Variants in BICRAL observed in about 807,000 individuals in gnomAD.
BICRAL encodes the protein BRD4-interacting chromatin-remodeling complex-associated protein-like.
A neutral mutation model predicts 91.8 loss-of-function variants in BICRAL; 8 were observed. The observed-to-expected ratio is 0.09, with a 90% CI of 0.05 to 0.16. The LOEUF is 0.16. BICRAL is among the 10% of genes least tolerant of loss of function. The pLI is 1.00. For missense variants in BICRAL, 1,038 were observed against 1,310.9 expected (o/e 0.79, Z 3.21); for synonymous variants, 445 against 491.1 (o/e 0.91, Z 1.24).
At chr6:42,776,666 A>G (rs955349243) in intron 1 of BICRAL, among the ~76,000 whole-genome samples, 2 of 152,138 alleles carry the variant, frequency 1.3e-5, no homozygotes, top group Admixed American at 6.6e-5. Context: ...GGTTTTATAT[A>G]CTTAATATTA....
intron 6 of BICRAL, among the ~76,000 whole-genome samples, chr6:42,849,553 C>T (rs1010063606): frequency 6.6e-5 from 10 of 151,606 alleles, no homozygotes; most frequent in African/African-American, 2.2e-4. Flanking sequence ...CATTCTCCTG[C>T]CTCAGCTTCT....
At chr6:42,794,411 CTGTG>C (rs67384767) in intron 1 of BICRAL, among the ~76,000 whole-genome samples, 11,921 of 146,258 alleles carry the variant, frequency 0.082, 486 homozygotes, top group Middle Eastern at 0.11. Context: ...TTCACTTACT[CTGTG>C]TGTGTGTGTG....
chr6:42,840,480 A>T (rs953347124), intron 6 of BICRAL, among the ~76,000 whole-genome samples: 3 of 151,544 alleles, frequency 2.0e-5, no homozygotes, highest in African/African-American at 7.3e-5. Flanking sequence ...TGACCTCGTG[A>T]TCCGCCTGCC....
chr6:42,863,290 C>T (rs143590893), intron 12 of BICRAL, among the ~76,000 whole-genome samples: 2,318 of 152,160 alleles, frequency 0.015, 64 homozygotes, highest in African/African-American at 0.052. Context: ...CCTCATGATC[C>T]GCCTGCCTTG....
At chr6:42,852,017 T>G in intron 6 of BICRAL, 75 bp from the exon 7 acceptor site, 1 of 885,606 alleles carries the variant, frequency 1.1e-6, no homozygotes, top group South Asian at 1.6e-5. Context: ...ATGAAGAGGC[T>G]TGGTTGGTAT....
At chr6:42,765,860 T>G (rs1222811470) in intron 1 of BICRAL, among the ~76,000 whole-genome samples, 1 of 152,192 alleles carries the variant, frequency 6.6e-6, no homozygotes, top group African/African-American at 2.4e-5. Context: ...TGATTGATTA[T>G]ATAGCCTGTG....
At chr6:42,760,808 C>T (rs1326134741) in intron 1 of BICRAL, among the ~76,000 whole-genome samples, 1 of 152,002 alleles carries the variant, frequency 6.6e-6, no homozygotes, top group Non-Finnish European at 1.5e-5. Flanking sequence ...GATCACTTGA[C>T]GCCAGGAGTT....
intron 6 of BICRAL, among the ~76,000 whole-genome samples, chr6:42,850,418 G>T (rs1765141437): frequency 6.6e-6 from 1 of 152,010 alleles, no homozygotes; most frequent in African/African-American, 2.4e-5. Flanking sequence ...TACTCGAGAG[G>T]CTGAGGCAGG....
intron 2 of BICRAL, chr6:42,820,916 G>C (rs1167310915): frequency 6.6e-6 from 1 of 152,210 alleles, no homozygotes; most frequent in African/African-American, 2.4e-5. Context: ...CCATGTAGCA[G>C]GAGTACATTT....
At chr6:42,821,595 T>A (rs955222018) in intron 2 of BICRAL, among the ~76,000 whole-genome samples, 4 of 152,248 alleles carry the variant, frequency 2.6e-5, no homozygotes, top group African/African-American at 9.6e-5. Context: ...TTGCTCACCA[T>A]GTTTAGGAAC....
rs983042403 is a variant in BICRAL at position 42,829,766 on chromosome 6, T to A, written c.1433T>A (p.Phe478Tyr). 2 of 1,614,188 alleles carry A rather than the reference T, an allele frequency of 1.2e-6. No homozygotes were observed. Among genetic ancestry groups the A allele is most frequent in the Middle Eastern group, 1.6e-4 (1 of 6,062 alleles). The change falls in exon 6 of 13, where the codon TTT (phenylalanine) becomes TAT (tyrosine). Residue 478 changes from phenylalanine to tyrosine, a missense_variant. By Grantham distance (22) the Phe-to-Tyr change is conservative. Around this residue, in one of 5 missense-constraint regions of BICRAL, gnomAD observed 532 missense variants for 724.9 expected, o/e 0.73. Coordinates refer to ENST00000314073, the MANE Select transcript of BICRAL (RefSeq NM_001393499.1). ...GTCCACTTAGTGTCTGGGCAGACAT[T>A]TGCTGCCTCTGGAAGTCCAGTGATA... ...TAVHLVSGQT[F>Y]AASGSPVIAN... is the part of the protein sequence containing the mutation.
chr6:42,845,195 G>GGTT (rs1562490931), intron 6 of BICRAL, among the ~76,000 whole-genome samples: 358 of 25,618 alleles, frequency 0.014, 83 homozygotes, highest in South Asian at 0.022. Context: ...TTTTTTGGGT[G>GGTT]TTTTTTTTTT....
chr6:42,783,483 G>A (rs1763000568), intron 1 of BICRAL, among the ~76,000 whole-genome samples: 2 of 152,202 alleles, frequency 1.3e-5, no homozygotes. Context: ...CCTGTCGCCA[G>A]GGCTGGTGGC....
At chr6:42,839,830 C>T (rs1333541051) in intron 6 of BICRAL, among the ~76,000 whole-genome samples, 1 of 152,186 alleles carries the variant, frequency 6.6e-6, no homozygotes, top group Non-Finnish European at 1.5e-5. Context: ...TCTTCACCTC[C>T]TCTGAACACT....
intron 1 of BICRAL, among the ~76,000 whole-genome samples, chr6:42,792,170 G>A (rs1159780090): frequency 6.6e-6 from 1 of 152,154 alleles, no homozygotes; most frequent in Non-Finnish European, 1.5e-5. Flanking sequence ...GTGCACTACT[G>A]TGAACTTAAT....
At chr6:42,757,221 A>G (rs1762475356) in intron 1 of BICRAL, among the ~76,000 whole-genome samples, 1 of 151,562 alleles carries the variant, frequency 6.6e-6, no homozygotes, top group African/African-American at 2.4e-5. Flanking sequence ...TGTGCAGATA[A>G]TCTACCATGC....
At chr6:42,817,239 C>T (rs542963335) in intron 2 of BICRAL, among the ~76,000 whole-genome samples, 4 of 151,626 alleles carry the variant, frequency 2.6e-5, no homozygotes, top group East Asian at 1.9e-4. Context: ...TAATATTCTG[C>T]ACCTTTCTTT....
In BICRAL at chr6:42,861,306, C is replaced by T. The variant is rs562631408; in HGVS notation, c.2349+950C>T. ...CAGCCTGGGTGACAGAGTGAGACTC[C>T]GTCTCAAAAATAAATAAATAAATGA... On this transcript the variant is annotated intron_variant, in intron 11 of 12. Transcript: ENST00000314073. Among the ~76,000 whole-genome samples the T allele has an allele frequency of 3.2e-3, 487 of 152,046 alleles. 1 individual carries two copies. Among genetic ancestry groups the T allele is most frequent in the African/African-American group, 0.01 (418 of 41,454 alleles).
intron 1 of BICRAL, among the ~76,000 whole-genome samples, chr6:42,770,976 C>T (rs1762715637): frequency 4.6e-5 from 7 of 152,220 alleles, no homozygotes; most frequent in Admixed American, 4.6e-4. Context: ...GCCACCGCAC[C>T]CGGCCCTCCC....
Sources: allele counts gnomAD v4.1 joint callset (sites outside exome capture counted in the v4.1 genomes callset), GRCh38; gene constraint gnomAD v4.1.1; regional missense constraint gnomAD v4.1.1; transcripts MANE v1.5; gene names NCBI Gene and HGNC (gene_info 2026-07-23, HGNC 2026-07-21).